GSTM2: variants seen among roughly 807,000 people sequenced by gnomAD.
GSTM2 encodes the protein glutathione S-transferase mu 2, also known as GST class-mu 2.
GSTM2 carries 33 observed loss-of-function variants against 33.3 expected under a neutral mutation model. That is an observed-to-expected ratio of 0.99 (90% CI 0.75 to 1.33). The LOEUF (loss-of-function observed/expected upper bound fraction) is 1.33, where lower values mean the gene tolerates loss of function less well. Ranked by LOEUF, GSTM2 falls within the 40% of genes most tolerant of loss-of-function variation. The pLI, the probability that GSTM2 is intolerant of heterozygous loss-of-function variation, is 0.00. For synonymous variants in GSTM2, 93 were observed against 95.6 expected, an observed-to-expected ratio of 0.97 and a Z score of 0.16; for missense variants, 213 against 265.8, an observed-to-expected ratio of 0.80 and a Z score of 1.38.
chr1:109,675,528 TCATC>T (rs1329818666), downstream of GSTM2, among the ~76,000 whole-genome samples: 1 of 150,434 alleles, frequency 6.6e-6, no homozygotes, highest in African/African-American at 2.5e-5. Context: ...TCCCATTCAT[TCATC>T]CAGCCGTATT....
chr1:109,672,938 C>CGG (rs1647598902), intron 7 of GSTM2, among the ~76,000 whole-genome samples: 2 of 150,076 alleles, frequency 1.3e-5, no homozygotes, highest in Admixed American at 1.3e-4. Context: ...GGAGCAATCT[C>CGG]GGCTCACTGC....
At chr1:109,668,253 G>A in intron 1 of GSTM2, 102 bp downstream of exon 1, 1 of 1,384,746 alleles carries the variant, frequency 7.2e-7, no homozygotes, top group Non-Finnish European at 1.0e-6. Context: ...CTTCAGGGCT[G>A]TCCCTGACAG....
At chr1:109,669,708 T>C (rs765078424) in intron 5 of GSTM2, 137 bp downstream of exon 5, 4 of 632,306 alleles carry the variant, frequency 6.3e-6, no homozygotes, top group Middle Eastern at 3.3e-4. Flanking sequence ...GCCGCGGTCC[T>C]ACACGGTGAG....
intron 5 of GSTM2, chr1:109,670,809 C>T (rs2101249487): frequency 6.4e-6 from 1 of 156,372 alleles, no homozygotes; most frequent in Non-Finnish European, 1.4e-5. Context: ...CAGCCAGAGG[C>T]TCTTTTTCCC....
intron 7 of GSTM2, chr1:109,673,136 C>A: frequency 6.3e-7 from 1 of 1,588,020 alleles, no homozygotes. Flanking sequence ...TCCCTAAGTG[C>A]TGGGATTACA....
chr1:109,675,487 TGG>T (rs1557960179), downstream of GSTM2, among the ~76,000 whole-genome samples: 3 of 149,038 alleles, frequency 2.0e-5, no homozygotes, highest in Non-Finnish European at 3.0e-5. Flanking sequence ...TGAGGCACTG[TGG>T]AAAGGATGTC....
rs1647409506 is a variant in GSTM2 at position 109,668,345 on chromosome 1, A to G, written c.37-80A>G. 17 of 1,511,504 alleles carry G rather than the reference A, an allele frequency of 1.1e-5. No homozygotes were observed. In the South Asian group the frequency reaches 1.8e-4, roughly 16 times the overall value. 93.6% of individuals were successfully genotyped at this position (1,511,504 alleles called of 1,614,324 possible). Reference sequence around the variant, plus strand: ...GGTGAGGCAGGAACGAGAGGAGGAGATGGGGCTCCCCTTGTGCAGAGTCGT... The same window carrying G: ...GGTGAGGCAGGAACGAGAGGAGGAGGTGGGGCTCCCCTTGTGCAGAGTCGT... On this transcript the variant is annotated intron_variant, in intron 1 of 7. Coordinates refer to ENST00000241337, the MANE Select transcript of GSTM2 (RefSeq NM_000848.4).
chr1:109,672,082 C>A (rs1647561592), intron 7 of GSTM2, among the ~76,000 whole-genome samples: 1 of 150,792 alleles, frequency 6.6e-6, no homozygotes, highest in South Asian at 2.1e-4. Flanking sequence ...GAGTTCGAGA[C>A]CAGCCTGACC....
downstream of GSTM2, among the ~76,000 whole-genome samples, chr1:109,675,635 A>G (rs1403486622): frequency 6.6e-6 from 1 of 152,196 alleles, no homozygotes; most frequent in East Asian, 1.9e-4. Flanking sequence ...GGTCCCTTTT[A>G]CCTTCTCCAC....
chr1:109,670,001 C>T (rs572896536), intron 5 of GSTM2: 287 of 124,786 alleles, frequency 2.3e-3, no homozygotes, highest in Non-Finnish European at 3.3e-3. Flanking sequence ...TGAGCAACAG[C>T]AGGATTTATG....
At chr1:109,671,449 C>T (rs1557958886) in intron 6 of GSTM2, 24 bp from the exon 7 acceptor site, 6 of 1,575,896 alleles carry the variant, frequency 3.8e-6, no homozygotes, top group Non-Finnish European at 3.5e-6. Context: ...AGGTTTCAGC[C>T]CACATATCCT....
At chr1:109,672,463 T>G (rs566814763) in intron 7 of GSTM2, among the ~76,000 whole-genome samples, 13 of 152,318 alleles carry the variant, frequency 8.5e-5, no homozygotes, top group Non-Finnish European at 1.8e-4. Context: ...GTCAGTCCTT[T>G]GCTCAGGGTC....
In GSTM2 at chr1:109,671,282, C is replaced by T. The variant is rs1647534894; in HGVS notation, c.361-5C>T. ...GAGGGTGTTGACAGCTGTTTTCTGC[C>T]TCAGGAGAAACTGAAACCAGAATAC... On this transcript the variant is annotated splice_polypyrimidine_tract_variant and splice_region_variant and intron_variant, in intron 5 of 7. Coordinates refer to ENST00000241337, the MANE Select transcript of GSTM2 (RefSeq NM_000848.4). 1 of 1,607,822 alleles carries T rather than the reference C, an allele frequency of 6.2e-7. No individual in the cohort carries two copies. The highest frequency in any genetic ancestry group is 8.5e-7 in the Non-Finnish European group (1 of 1,174,432).
downstream of GSTM2, among the ~76,000 whole-genome samples, chr1:109,679,251 A>T (rs1647796430): frequency 6.6e-6 from 1 of 152,038 alleles, no homozygotes; most frequent in African/African-American, 2.4e-5. Flanking sequence ...CGGGTGGATC[A>T]CTTGAGGTCA....
At chr1:109,670,096 G>GGGAGGGGAGGGGAGGTGGGGGGGGC (rs1471086089) in intron 5 of GSTM2, 1 of 564 alleles carries the variant, frequency 1.8e-3, no homozygotes, top group Admixed American at 0.019. Flanking sequence ...GGCGGAGGTG[G>GGGAGGGGAGGGGAGGTGGGGGGGGC]GGGGGGAAAT....
At chr1:109,670,578 A>G (rs1647505372) in intron 5 of GSTM2, 1 of 152,316 alleles carries the variant, frequency 6.6e-6, no homozygotes, top group Non-Finnish European at 1.5e-5. Context: ...TCTAGACAGT[A>G]ATGGTTACTT....
intron 5 of GSTM2, 158 bp from the exon 6 acceptor site, chr1:109,671,129 C>T: frequency 1.6e-6 from 1 of 637,340 alleles, no homozygotes; most frequent in South Asian, 1.9e-5. Flanking sequence ...CTAATAAATG[C>T]TGATGTATCC....
In GSTM2 at chr1:109,669,473, G is replaced by C; in HGVS notation, c.262G>C (p.Gly88Arg). Residue 88 changes from glycine (G) to arginine (R), a missense_variant and splice_region_variant, in exon 5 of 8, where the codon GGG becomes CGG. Coordinates refer to ENST00000241337, the MANE Select transcript of GSTM2 (RefSeq NM_000848.4). The stretch of plus-strand genomic sequence containing the variant: ...GTGAATCTGCTTTACGAGGGTAGGC[G>C]GGGAATCAGAAAAGGAGCAGATTCG... ...RYIARKHNLC[G>R]ESEKEQIRED... 6.2e-7 allele frequency: 1 copy of C among 1,613,838 alleles called. No individual in the cohort carries two copies. The highest frequency in any genetic ancestry group is 8.5e-7 in the Non-Finnish European group (1 of 1,179,730).
intron 7 of GSTM2, among the ~76,000 whole-genome samples, chr1:109,673,846 G>A (rs1298157399): frequency 6.6e-6 from 1 of 152,168 alleles, no homozygotes; most frequent in Non-Finnish European, 1.5e-5. Context: ...TGATCCACTC[G>A]TCTCGGCCTT....
Sources: gnomAD v4.1 joint callset for allele counts (sites outside exome capture counted in the v4.1 genomes callset) on GRCh38, gnomAD v4.1.1 for gene constraint, MANE v1.5 for transcripts, NCBI Gene and HGNC (gene_info 2026-07-23, HGNC 2026-07-21) for gene names.